Variants in EHBP1 observed in about 807,000 individuals in gnomAD.
The protein encoded by EHBP1 is EH domain binding protein 1.
In EHBP1, 55 loss-of-function variants were observed where a neutral mutation model predicts 144.0. The ratio of observed to expected loss-of-function variants is 0.38; its 90% CI spans 0.31 to 0.48. The LOEUF is 0.48. EHBP1 is among the 20% of genes least tolerant of loss of function. The pLI is 0.98. For synonymous variants in EHBP1, 469 were observed against 472.7 expected (o/e 0.99, Z 0.10); for missense variants, 1,200 against 1,364.2 (o/e 0.88, Z 1.90).
At chr2:62,827,099 T>C (rs1426586828) in intron 6 of EHBP1, among the ~76,000 whole-genome samples, 1 of 152,226 alleles carries the variant, frequency 6.6e-6, no homozygotes, top group African/African-American at 2.4e-5. Context: ...TTTGACCTAG[T>C]GGAAGGTGGT....
chr2:62,830,153 GACACACACACACACACACACAC>G lies in EHBP1; in HGVS notation c.495-844_495-823del, dbSNP rs368948717. On this transcript the variant is annotated intron_variant, in intron 6 of 22. Coordinates refer to ENST00000431489, the MANE Select transcript of EHBP1 (RefSeq NM_001142616.3). ...TGGTGCATATATATATATATATATA[GACACACACACACACACACACAC>G]ACACACACACACACACACACATATA... is the stretch of plus-strand genomic sequence containing the variant. 3.4e-3 allele frequency among the ~76,000 whole-genome samples: 446 copies of G among 132,164 alleles called. 3 individuals are homozygous for G. Among genetic ancestry groups the G allele is most frequent in the African/African-American group, 0.012 (418 of 34,532 alleles). 86.7% of individuals were successfully genotyped at this position (132,164 alleles called of 152,430 possible).
intron 14 of EHBP1, among the ~76,000 whole-genome samples, chr2:62,962,063 G>A (rs895720669): frequency 2.0e-5 from 3 of 152,168 alleles, no homozygotes; most frequent in Admixed American, 6.5e-5. Context: ...GGTGGCCCAC[G>A]CCTGTAATCC....
At chr2:62,681,359 T>TATAA (rs1553363754) in intron 1 of EHBP1, among the ~76,000 whole-genome samples, 24 of 78,354 alleles carry the variant, frequency 3.1e-4, no homozygotes, top group African/African-American at 1.3e-3. Context: ...TATATATATA[T>TATAA]AATGTGTATA....
At chr2:62,867,511 A>C (rs1251115352) in intron 9 of EHBP1, among the ~76,000 whole-genome samples, 3 of 152,192 alleles carry the variant, frequency 2.0e-5, no homozygotes, top group African/African-American at 7.2e-5. Context: ...CTCAGGGATA[A>C]ATTTGAACAA....
intron 13 of EHBP1, among the ~76,000 whole-genome samples, chr2:62,951,783 C>G (rs1001095822): frequency 2.6e-5 from 4 of 152,052 alleles, no homozygotes; most frequent in Admixed American, 2.0e-4. Context: ...CCTCAGTCTC[C>G]CAAAGTACTG....
chr2:62,827,811 G>A (rs183054140), intron 6 of EHBP1, among the ~76,000 whole-genome samples: 3 of 152,138 alleles, frequency 2.0e-5, no homozygotes, highest in African/African-American at 7.2e-5. Context: ...GGGATTACAG[G>A]TGTGTACCAC....
At chr2:62,929,877 A>G (rs1391500797) in intron 10 of EHBP1, among the ~76,000 whole-genome samples, 2 of 152,230 alleles carry the variant, frequency 1.3e-5, no homozygotes, top group African/African-American at 4.8e-5. Flanking sequence ...GTAGCATGAT[A>G]CAAAAACCAA....
chr2:63,044,532 T>C (rs1364172127), intron 21 of EHBP1: 1 of 152,058 alleles, frequency 6.6e-6, no homozygotes, highest in Non-Finnish European at 1.5e-5. Context: ...TTGTGAAGCA[T>C]ATGGCGCCCA....
At chr2:62,993,746 G>A (rs1321096113) in intron 17 of EHBP1, 78 bp downstream of exon 17, 2 of 648,734 alleles carry the variant, frequency 3.1e-6, no homozygotes, top group Admixed American at 4.5e-5. Context: ...TATATATATA[G>A]TATATATATA....
Position 62,802,762 on chromosome 2 carries a change from T to C in EHBP1, c.313-23325T>C, listed in dbSNP as rs1573430470. On this transcript the variant is annotated intron_variant, in intron 5 of 22. Coordinates refer to ENST00000431489, the MANE Select transcript of EHBP1 (RefSeq NM_001142616.3). ...TTTTTTGAGACAGAGTCTTCCTCTG[T>C]TGCCCAGGCTGGAGTGCAGTGGTGC... 2.0e-5 allele frequency among the ~76,000 whole-genome samples: 3 copies of C among 149,956 alleles called. No individual in the cohort carries two copies. In the South Asian group the frequency reaches 6.4e-4, roughly 32 times the overall value.
intron 8 of EHBP1, among the ~76,000 whole-genome samples, chr2:62,861,606 G>A (rs1184531522): frequency 6.6e-6 from 1 of 151,886 alleles, no homozygotes; most frequent in Non-Finnish European, 1.5e-5. Context: ...AGCCCAGTGT[G>A]GGGCACACAC....
chr2:63,036,550 T>C (rs142796229), intron 19 of EHBP1, among the ~76,000 whole-genome samples: 82 of 152,054 alleles, frequency 5.4e-4, no homozygotes, highest in Non-Finnish European at 3.4e-4. Context: ...ATGAATGCCA[T>C]ACAGAAGTTA....
intron 10 of EHBP1, among the ~76,000 whole-genome samples, chr2:62,889,699 A>G (rs2052280896): frequency 6.6e-6 from 1 of 152,096 alleles, no homozygotes; most frequent in Non-Finnish European, 1.5e-5. Flanking sequence ...CAAAGATCAG[A>G]TAGTTGTAAG....
intron 10 of EHBP1, among the ~76,000 whole-genome samples, chr2:62,921,700 G>A (rs1051336027): frequency 6.6e-6 from 1 of 152,054 alleles, no homozygotes; most frequent in Non-Finnish European, 1.5e-5. Context: ...TAGGGATTAG[G>A]GATACCAACC....
intron 5 of EHBP1, among the ~76,000 whole-genome samples, chr2:62,825,476 A>C (rs1170546257): frequency 6.6e-6 from 1 of 152,028 alleles, no homozygotes; most frequent in Non-Finnish European, 1.5e-5. Flanking sequence ...GCATAGGATC[A>C]GAAAGCCAAC....
At chr2:62,835,670 C>T (rs1389962716) in intron 7 of EHBP1, among the ~76,000 whole-genome samples, 1 of 152,154 alleles carries the variant, frequency 6.6e-6, no homozygotes, top group Non-Finnish European at 1.5e-5. Flanking sequence ...CGAGGCATTG[C>T]CTCACCTGGG....
chr2:62,751,944 T>C (rs1298977642), intron 3 of EHBP1, among the ~76,000 whole-genome samples: 1 of 152,120 alleles, frequency 6.6e-6, no homozygotes. Context: ...GCTCCTGGAT[T>C]CATTTTTTTT....
intron 10 of EHBP1, among the ~76,000 whole-genome samples, chr2:62,935,450 T>C (rs566965748): frequency 6.6e-6 from 1 of 151,738 alleles, no homozygotes. Context: ...TTTGGATTTG[T>C]GCCAAGTACT....
chr2:62,977,330 G>A (rs927469251), intron 14 of EHBP1, among the ~76,000 whole-genome samples: 3 of 151,956 alleles, frequency 2.0e-5, no homozygotes, highest in African/African-American at 7.3e-5. Context: ...TTTGCCCTAT[G>A]TTCAGGAAAA....
Sources: gnomAD v4.1 joint callset for allele counts (sites outside exome capture counted in the v4.1 genomes callset) on GRCh38, gnomAD v4.1.1 for gene constraint, MANE v1.5 for transcripts, NCBI Gene and HGNC (gene_info 2026-07-23, HGNC 2026-07-21) for gene names.